The following CDC42BPA variants were observed in gnomAD, a reference collection of about 807,000 sequenced individuals.
The protein encoded by CDC42BPA is CDC42 binding protein kinase alpha.
In CDC42BPA, 80 loss-of-function variants were observed where a neutral mutation model predicts 223.5. The ratio of observed to expected loss-of-function variants is 0.36; its 90% CI spans 0.30 to 0.43. CDC42BPA has a LOEUF of 0.43. Among genes scored for constraint, CDC42BPA ranks in the 20% least tolerant of loss-of-function variants. The probability of loss-of-function intolerance (pLI) is 1.00; values close to 1 mark genes in which losing one functional copy is unlikely to be tolerated. For synonymous variants in CDC42BPA, 694 were observed against 718.6 expected, an observed-to-expected ratio of 0.97 and a Z score of 0.55; for missense variants, 1,743 against 2,099.9, an observed-to-expected ratio of 0.83 and a Z score of 3.32.
At chr1:227,067,394 G>A (rs1197051813) in intron 21 of CDC42BPA, among the ~76,000 whole-genome samples, 1 of 152,078 alleles carries the variant, frequency 6.6e-6, no homozygotes, top group Non-Finnish European at 1.5e-5. Flanking sequence ...CAGGAAAAGG[G>A]ATGGAGAGAA....
intron 10 of CDC42BPA, among the ~76,000 whole-genome samples, chr1:227,129,665 T>TTAAAAAAAAA (rs1656587250): frequency 7.5e-5 from 1 of 13,368 alleles, no homozygotes; most frequent in Non-Finnish European, 1.3e-4. Context: ...AGACTGTATC[T>TTAAAAAAAAA]CAAAAAAAAA....
At chr1:227,060,113 G>A (rs1675554258) in intron 21 of CDC42BPA, among the ~76,000 whole-genome samples, 1 of 138,834 alleles carries the variant, frequency 7.2e-6, no homozygotes, top group Admixed American at 8.1e-5. Context: ...CTCACTGCAA[G>A]CTCCACCTCC....
intron 1 of CDC42BPA, among the ~76,000 whole-genome samples, chr1:227,304,159 C>T (rs1315129595): frequency 2.6e-5 from 4 of 152,184 alleles, no homozygotes; most frequent in Non-Finnish European, 5.9e-5. Flanking sequence ...GTAATCCTGG[C>T]ACTTTGGGAA....
rs754729863 is a variant in CDC42BPA, at chr1:227,051,976, C to T, written c.2914G>A (p.Val972Ile). 1.6e-5 allele frequency: 22 copies of T among 1,365,214 alleles called. No homozygotes were observed. The highest frequency in any genetic ancestry group is 4.5e-5 in the East Asian group (1 of 21,998). 84.6% of individuals were successfully genotyped at this position (1,365,214 alleles called of 1,614,324 possible). The change falls in exon 22 of 37, where the codon GTT (valine) becomes ATT (isoleucine). Residue 972 changes from valine (V) to isoleucine (I), a missense_variant. Physicochemically the swap from Val to Ile is conservative, Grantham distance 29. Transcript: ENST00000366766. Reference protein sequence around the residue: ...DALDQFETDPVENTYVWNPSV... With the variant: ...DALDQFETDPIENTYVWNPSV... ...GGGTTCCATACATATGTGTTCTCAA[C>T]GGGATCAGTCTAGGAAAATAAGTCG...
chr1:227,125,035 C>T (rs531629898), intron 11 of CDC42BPA, among the ~76,000 whole-genome samples: 1 of 151,990 alleles, frequency 6.6e-6, no homozygotes, highest in East Asian at 1.9e-4. Flanking sequence ...GTTCATATAT[C>T]CCAGAATTAG....
chr1:227,080,104 C>T (rs148002362), intron 17 of CDC42BPA, among the ~76,000 whole-genome samples: 2,775 of 152,092 alleles, frequency 0.018, 33 homozygotes, highest in Middle Eastern at 0.027. Context: ...TAAAGTTTCA[C>T]GTTTTGAAGC....
At chr1:227,158,670 G>C (rs549554158) in intron 6 of CDC42BPA, among the ~76,000 whole-genome samples, 1 of 152,142 alleles carries the variant, frequency 6.6e-6, no homozygotes, top group Non-Finnish European at 1.5e-5. Context: ...TGATACAAAG[G>C]TGTTAGCTGG....
chr1:227,282,889 A>T (rs914032294), intron 1 of CDC42BPA, among the ~76,000 whole-genome samples: 6 of 152,214 alleles, frequency 3.9e-5, no homozygotes, highest in Non-Finnish European at 7.3e-5. Context: ...GTTTAGCAAA[A>T]CACAAAATGT....
chr1:227,019,632 A>T (rs1666993179), intron 32 of CDC42BPA, among the ~76,000 whole-genome samples: 2 of 152,050 alleles, frequency 1.3e-5, no homozygotes, highest in South Asian at 4.1e-4. Context: ...AGTCAAAATT[A>T]CTCCTTTATC....
chr1:227,213,202 T>C lies in CDC42BPA; in HGVS notation c.288A>G (p.Leu96=), dbSNP rs1674236831. 2.6e-6 allele frequency: 4 copies of C among 1,537,628 alleles called. No homozygotes were observed. The highest frequency in any genetic ancestry group is 3.6e-6 in the Non-Finnish European group (4 of 1,120,190). The stretch of plus-strand genomic sequence containing the variant: ...TGGCAAACACTTTATCTGCATTTTT[T>C]AGTTTTACTACAGCAACCTAGAAAA... ...GAFGEVAVVK[L]KNADKVFAMK... is the part of the protein sequence containing the mutation. The change falls in exon 3 of 37, where the codon CTA becomes CTG. Residue 96 remains leucine (L), a synonymous_variant. Coordinates refer to ENST00000366766, the MANE Select transcript of CDC42BPA (RefSeq NM_001394014.1).
At chr1:227,158,587 TGGAA>T (rs2149788421) in intron 6 of CDC42BPA, among the ~76,000 whole-genome samples, 1 of 152,270 alleles carries the variant, frequency 6.6e-6, no homozygotes, top group African/African-American at 2.4e-5. Flanking sequence ...CCCCTCTACT[TGGAA>T]GGAAGACTTC....
At chr1:227,263,899 G>C (rs1684534456) in intron 1 of CDC42BPA, among the ~76,000 whole-genome samples, 1 of 152,118 alleles carries the variant, frequency 6.6e-6, no homozygotes, top group Non-Finnish European at 1.5e-5. Flanking sequence ...AAATGTAAAT[G>C]AAGTATCCAG....
chr1:227,162,864 A>ATGTGTGTGTGTGTGTGTGTGTG (rs1261183207), intron 5 of CDC42BPA, among the ~76,000 whole-genome samples: 4 of 26,154 alleles, frequency 1.5e-4, no homozygotes, highest in Non-Finnish European at 3.4e-4. Context: ...TAAAATAAAT[A>ATGTGTGTGTGTGTGTGTGTGTG]TATATGTGTG....
chr1:227,195,413 T>C (rs1423756199), intron 4 of CDC42BPA, among the ~76,000 whole-genome samples: 1 of 152,154 alleles, frequency 6.6e-6, no homozygotes, highest in Non-Finnish European at 1.5e-5. Flanking sequence ...AGGATGGTCT[T>C]GATCTCCTGA....
chr1:227,058,795 C>T (rs1011501664), intron 21 of CDC42BPA, among the ~76,000 whole-genome samples: 3 of 151,248 alleles, frequency 2.0e-5, no homozygotes, highest in Non-Finnish European at 2.9e-5. Flanking sequence ...TTGGAATTAT[C>T]TTAGAATAGA....
intron 17 of CDC42BPA, among the ~76,000 whole-genome samples, chr1:227,080,029 T>C (rs981179947): frequency 6.6e-6 from 1 of 152,090 alleles, no homozygotes; most frequent in African/African-American, 2.4e-5. Flanking sequence ...AAACAACATT[T>C]TGACTGTGAC....
At chr1:227,037,334 C>G (rs1354311001) in intron 24 of CDC42BPA, among the ~76,000 whole-genome samples, 1 of 152,218 alleles carries the variant, frequency 6.6e-6, no homozygotes, top group Non-Finnish European at 1.5e-5. Flanking sequence ...TGTACTTGCT[C>G]TCTTCTCAAT....
chr1:227,233,176 T>C (rs1223305891), intron 2 of CDC42BPA, among the ~76,000 whole-genome samples: 2 of 152,178 alleles, frequency 1.3e-5, no homozygotes, highest in Non-Finnish European at 2.9e-5. Context: ...TATTCGGCCA[T>C]CTTAGAACCG....
At chr1:227,264,721 C>T in intron 1 of CDC42BPA, 1 of 712,092 alleles carries the variant, frequency 1.4e-6, no homozygotes, top group South Asian at 1.7e-5. Flanking sequence ...AAATATATGC[C>T]AGTCCATTAT....
Sources: gnomAD v4.1 joint callset for allele counts (sites outside exome capture counted in the v4.1 genomes callset) on GRCh38, gnomAD v4.1.1 for gene constraint, MANE v1.5 for transcripts, NCBI Gene and HGNC (gene_info 2026-07-23, HGNC 2026-07-21) for gene names.